Variants in CHODL observed in about 807,000 individuals in gnomAD.
The protein encoded by CHODL is chondrolectin, also known as transmembrane protein MT75.
In CHODL, 29 loss-of-function variants were observed where a neutral mutation model predicts 34.5. The observed-to-expected ratio is 0.84, with a 90% CI of 0.63 to 1.15. The LOEUF (loss-of-function observed/expected upper bound fraction) is 1.15. Ranked by LOEUF, CHODL falls within the 50% of genes most tolerant of loss-of-function variation. The probability of loss-of-function intolerance (pLI) is 0.00; values close to 1 mark genes in which losing one functional copy is unlikely to be tolerated. For synonymous variants in CHODL, 125 were observed against 116.1 expected (o/e 1.08, Z -0.49); for missense variants, 332 against 332.5 (o/e 1.00, Z 0.01).
chr21:18,241,189 G>T (rs1227490830), upstream of CHODL, among the ~76,000 whole-genome samples: 1 of 151,772 alleles, frequency 6.6e-6, no homozygotes, highest in Non-Finnish European at 1.5e-5. Flanking sequence ...AAAATATTGG[G>T]AGGGAAAACC....
rs549814957 is a variant in CHODL, at chr21:17,937,731, AT to A, written c.-145+20338del. On this transcript the variant is annotated intron_variant, in intron 1 of 6. Coordinates refer to the CHODL transcript ENST00000400127. Reference sequence around the variant, plus strand: ...TTTTGGATAATTTTTCTACCTTCTCATTTTTTTCACTTTGATAGGCTTTTTC... The same window carrying A: ...TTTTGGATAATTTTTCTACCTTCTCATTTTTTCACTTTGATAGGCTTTTTC... 2.7e-3 allele frequency among the ~76,000 whole-genome samples: 409 copies of A among 151,678 alleles called. 3 individuals are homozygous for A. The highest frequency in any genetic ancestry group is 9.1e-3 in the African/African-American group (375 of 41,342).
intron 1 of CHODL, among the ~76,000 whole-genome samples, chr21:17,995,315 G>C (rs1444815021): frequency 6.6e-6 from 1 of 152,170 alleles, no homozygotes; most frequent in Non-Finnish European, 1.5e-5. Context: ...GGGCCATGGG[G>C]CTCTCCTGTG....
At chr21:18,141,047 CTTGAAG>C (rs1448698684) in intron 2 of CHODL, among the ~76,000 whole-genome samples, 1 of 151,858 alleles carries the variant, frequency 6.6e-6, no homozygotes, top group East Asian at 1.9e-4. Context: ...GTGAGTCCAA[CTTGAAG>C]TTGAGGATAT....
In CHODL at chr21:18,074,764, G is replaced by C. The variant is rs77974335; in HGVS notation, c.-45+46793G>C. Reference sequence around the variant, plus strand: ...TCCTGGGAAAGACTAGAATATGGAAGTCTTCAGGCTGAGTCAGAGAAAATT... The same window carrying C: ...TCCTGGGAAAGACTAGAATATGGAACTCTTCAGGCTGAGTCAGAGAAAATT... On this transcript the variant is annotated intron_variant, in intron 2 of 6. Transcript: ENST00000400127. Among the ~76,000 whole-genome samples the C allele has an allele frequency of 8.7e-3, 1,321 of 152,248 alleles. 24 individuals are homozygous for C. Among genetic ancestry groups the C allele is most frequent in the African/African-American group, 0.03 (1,245 of 41,556 alleles).
At chr21:18,117,001 T>C (rs1436329919) in intron 2 of CHODL, among the ~76,000 whole-genome samples, 5 of 152,218 alleles carry the variant, frequency 3.3e-5, no homozygotes, top group Non-Finnish European at 7.3e-5. Context: ...GTGACACTGA[T>C]AGAGCTTTCC....
intron 1 of CHODL, among the ~76,000 whole-genome samples, chr21:17,975,104 G>T (rs1293657119): frequency 6.6e-6 from 1 of 152,024 alleles, no homozygotes; most frequent in Non-Finnish European, 1.5e-5. Flanking sequence ...AAGCCAGGTG[G>T]AACACGAGGT....
At chr21:18,052,902 C>T (rs747627482) in intron 2 of CHODL, among the ~76,000 whole-genome samples, 8 of 151,838 alleles carry the variant, frequency 5.3e-5, no homozygotes, top group Non-Finnish European at 7.4e-5. Flanking sequence ...TGTTTTAGAT[C>T]CCCACAAATA....
chr21:18,080,157 C>A (rs778595836), intron 2 of CHODL, among the ~76,000 whole-genome samples: 1 of 152,012 alleles, frequency 6.6e-6, no homozygotes. Context: ...AGTTCATGTT[C>A]TTTGCTCCCT....
intron 2 of CHODL, among the ~76,000 whole-genome samples, chr21:18,181,250 G>A (rs1269328215): frequency 6.6e-6 from 1 of 152,108 alleles, no homozygotes; most frequent in African/African-American, 2.4e-5. Flanking sequence ...GTGTTGCACT[G>A]GAATATAACT....
At chr21:18,230,768 G>A (rs530761242) in intron 2 of CHODL, among the ~76,000 whole-genome samples, 3 of 152,146 alleles carry the variant, frequency 2.0e-5, no homozygotes, top group East Asian at 3.9e-4. Context: ...AAGGTAAAAT[G>A]TATGACTAAG....
intron 1 of CHODL, among the ~76,000 whole-genome samples, chr21:17,954,523 A>G (rs540413652): frequency 8.2e-6 from 1 of 122,066 alleles, no homozygotes; most frequent in African/African-American, 2.7e-5. Flanking sequence ...CCTAACTAGA[A>G]CAAAGAGACA....
intron 1 of CHODL, among the ~76,000 whole-genome samples, chr21:18,010,370 C>T (rs1482455399): frequency 6.6e-6 from 1 of 150,778 alleles, no homozygotes; most frequent in East Asian, 1.9e-4. Context: ...AGGAAAGTCT[C>T]CTGGTGGGTC....
chr21:18,074,549 T>C (rs1318685535), intron 2 of CHODL, among the ~76,000 whole-genome samples: 1 of 152,180 alleles, frequency 6.6e-6, no homozygotes, highest in African/African-American at 2.4e-5. Context: ...TATTTTCCCC[T>C]GTGCTTTTAA....
intron 2 of CHODL, among the ~76,000 whole-genome samples, chr21:18,190,062 G>C (rs1488853306): frequency 6.6e-6 from 1 of 152,050 alleles, no homozygotes; most frequent in Non-Finnish European, 1.5e-5. Flanking sequence ...ATATGAATAA[G>C]TTAGAAATTA....
intron 1 of CHODL, among the ~76,000 whole-genome samples, chr21:17,993,580 G>A (rs747297296): frequency 1.3e-5 from 2 of 152,134 alleles, no homozygotes; most frequent in Admixed American, 6.5e-5. Context: ...ATATTCCATG[G>A]CAAATATGTA....
At chr21:18,259,649 T>C (rs1265788372) in intron 3 of CHODL, among the ~76,000 whole-genome samples, 3 of 152,216 alleles carry the variant, frequency 2.0e-5, no homozygotes, top group African/African-American at 7.2e-5. Context: ...TAGACACTAT[T>C]GGAAAGCAAA....
chr21:18,020,668 G>A (rs1445357549), intron 1 of CHODL, among the ~76,000 whole-genome samples: 1 of 152,152 alleles, frequency 6.6e-6, no homozygotes, highest in Non-Finnish European at 1.5e-5. Flanking sequence ...ATTTGTTATA[G>A]ACTGAATGTT....
At chr21:18,120,601 A>T (rs2065468028) in intron 2 of CHODL, among the ~76,000 whole-genome samples, 1 of 152,160 alleles carries the variant, frequency 6.6e-6, no homozygotes, top group African/African-American at 2.4e-5. Flanking sequence ...TATTGTTTAT[A>T]TCTTTTTGTT....
At chr21:18,038,955 T>G (rs1437704964) in intron 2 of CHODL, among the ~76,000 whole-genome samples, 2 of 151,676 alleles carry the variant, frequency 1.3e-5, no homozygotes, top group African/African-American at 2.4e-5. Context: ...ATCCCAGATA[T>G]GTAAACAAAA....
Sources: gnomAD v4.1 joint callset for allele counts (sites outside exome capture counted in the v4.1 genomes callset) on GRCh38, gnomAD v4.1.1 for gene constraint, MANE v1.5 for transcripts, NCBI Gene and HGNC (gene_info 2026-07-23, HGNC 2026-07-21) for gene names.